The following ZNF136 variants were observed in gnomAD, a reference collection of about 807,000 sequenced individuals.
The protein encoded by ZNF136 is zinc finger protein 136 (clone pHZ-20).
ZNF136 carries 8 observed loss-of-function variants against 11.4 expected under a neutral mutation model. That is an observed-to-expected ratio of 0.70 (90% CI 0.41 to 1.27). The LOEUF is 1.27. ZNF136 is among the 50% of genes most tolerant of loss of function. The probability of loss-of-function intolerance (pLI) is 0.01; values close to 1 mark genes in which losing one functional copy is unlikely to be tolerated. For synonymous variants in ZNF136, 190 were observed against 207.1 expected (o/e 0.92, Z 0.71); for missense variants, 590 against 656.5 (o/e 0.90, Z 1.11).
intron 1 of ZNF136, among the ~76,000 whole-genome samples, chr19:12,170,588 A>T (rs145618988): frequency 6.6e-6 from 1 of 151,284 alleles, no homozygotes; most frequent in East Asian, 2.0e-4. Context: ...GGGTCTTGCC[A>T]TGTTGCCCAG....
intron 1 of ZNF136, among the ~76,000 whole-genome samples, chr19:12,182,416 C>T (rs1379007695): frequency 6.6e-6 from 1 of 152,224 alleles, no homozygotes; most frequent in African/African-American, 2.4e-5. Flanking sequence ...TTCCATGTCT[C>T]TTGGAGGGTC....
At chr19:12,169,486 A>G (rs1307247771) in intron 1 of ZNF136, 1 of 152,204 alleles carries the variant, frequency 6.6e-6, no homozygotes, top group African/African-American at 2.4e-5. Context: ...CTCCACAGTG[A>G]GAGTGTAGTA....
At position 12,187,344 on chromosome 19, in the gene ZNF136, C is replaced by A. The variant is rs886616484; in HGVS notation, c.966C>A (p.Ser322=). 5.0e-6 allele frequency: 8 copies of A among 1,613,612 alleles called. No homozygotes were observed. In the African/African-American group the frequency reaches 9.4e-5, roughly 19 times the overall value. The part of the protein sequence containing the change: ...QCGKAFSYLP[S]LRLHERIHTG... Reference sequence around the variant, plus strand: ...GGAAGGCCTTCAGTTATCTCCCCTCCCTTCGACTACATGAAAGAATTCACA... The same window carrying A: ...GGAAGGCCTTCAGTTATCTCCCCTCACTTCGACTACATGAAAGAATTCACA... Residue 322 remains serine, a synonymous_variant, in exon 4 of 4, where the codon TCC becomes TCA. Coordinates refer to ENST00000343979, the MANE Select transcript of ZNF136 (RefSeq NM_003437.5).
At chr19:12,163,325 C>T in intron 1 of ZNF136, 119 bp downstream of exon 1, 1 of 1,246,674 alleles carries the variant, frequency 8.0e-7, no homozygotes, top group Non-Finnish European at 1.0e-6. Flanking sequence ...GTACCGAGTC[C>T]CTCTGGCGCA....
chr19:12,186,030 G>A lies in ZNF136; in HGVS notation c.131-84G>A, dbSNP rs920021833. ...TACTTGGGGGGCTAAAACAGGCATA[G>A]TCACAGGGTATCATGAACCTAGAAT... On this transcript the variant is annotated intron_variant, in intron 2 of 3. Coordinates refer to ENST00000343979, the MANE Select transcript of ZNF136 (RefSeq NM_003437.5). 3.8e-6 allele frequency: 6 copies of A among 1,594,484 alleles called. No individual in the cohort carries two copies. The African/African-American group carries it at 6.8e-5, about 18-fold the overall frequency.
chr19:12,189,688 TG>T lies in ZNF136; in HGVS notation c.*1688del, dbSNP rs1208084108. 6.6e-6 allele frequency: 1 copy of T among 152,146 alleles called. No homozygotes were observed. Among genetic ancestry groups the T allele is most frequent in the Admixed American group, 6.6e-5 (1 of 15,260 alleles). The allele number at this position is 152,146 out of a possible 1,614,324, so 9.4% of individuals were successfully genotyped here. On this transcript the variant is annotated 3_prime_UTR_variant, in exon 4 of 4. Coordinates refer to ENST00000343979, the MANE Select transcript of ZNF136 (RefSeq NM_003437.5). ...TTTCTTGGCTCAAATAATTTTATTT[TG>T]CTTCCTATTAAAGAGTTGTTGTTAA...
chr19:12,186,000 G>T (rs1397984933), intron 2 of ZNF136, 89 bp downstream of exon 2: 25 of 1,599,526 alleles, frequency 1.6e-5, no homozygotes, highest in Non-Finnish European at 2.0e-5. Context: ...ATCATGGAGG[G>T]AGAGTACTTG....
At chr19:12,174,726 C>T (rs1015597891) in intron 1 of ZNF136, among the ~76,000 whole-genome samples, 6 of 152,018 alleles carry the variant, frequency 3.9e-5, no homozygotes, top group African/African-American at 1.5e-4. Context: ...AGCTCTGCCT[C>T]CCAGGTCCAC....
intron 1 of ZNF136, among the ~76,000 whole-genome samples, chr19:12,182,760 G>A (rs1410065068): frequency 6.6e-6 from 1 of 152,096 alleles, no homozygotes; most frequent in Admixed American, 6.6e-5. Flanking sequence ...TGGGGGTGGG[G>A]GCACAGTCCA....
At chr19:12,178,047 C>T (rs887757157) in intron 1 of ZNF136, among the ~76,000 whole-genome samples, 2 of 152,138 alleles carry the variant, frequency 1.3e-5, no homozygotes, top group African/African-American at 2.4e-5. Flanking sequence ...GCAGAGGTTG[C>T]AGTGAGCCAA....
chr19:12,185,147 G>A (rs1026179123), intron 1 of ZNF136: 1 of 152,252 alleles, frequency 6.6e-6, no homozygotes, highest in Non-Finnish European at 1.5e-5. Flanking sequence ...CAAATTAAGT[G>A]GTGGGTTATT....
intron 1 of ZNF136, among the ~76,000 whole-genome samples, chr19:12,175,189 T>C (rs999328139): frequency 4.7e-5 from 7 of 148,548 alleles, no homozygotes; most frequent in African/African-American, 1.8e-4. Context: ...GATTCTGTTT[T>C]CTTTCGATTT....
intron 1 of ZNF136, among the ~76,000 whole-genome samples, chr19:12,179,332 T>C (rs269815): frequency 0.24 from 36,667 of 149,672 alleles, 7,065 homozygotes; most frequent in African/African-American, 0.54. Flanking sequence ...TTTTTTGAGA[T>C]GGAGTCTCAC....
intron 1 of ZNF136, among the ~76,000 whole-genome samples, chr19:12,166,308 A>G (rs271181): frequency 0.047 from 7,086 of 152,186 alleles, 535 homozygotes; most frequent in African/African-American, 0.16. Flanking sequence ...CATGTGTAGT[A>G]TATGTGTAGT....
rs773154492 is a variant in ZNF136 at position 12,187,002 on chromosome 19, C to T, written c.624C>T (p.Pro208=). 17 of 1,614,042 alleles carry T rather than the reference C, an allele frequency of 1.1e-5. No individual in the cohort carries two copies. Among genetic ancestry groups the T allele is most frequent in the Non-Finnish European group, 1.4e-5 (17 of 1,180,002 alleles). ...CKVCGKAFDY[P]SRFRTHERSH... is the part of the protein sequence containing the mutation. ...TGTGTGGGAAAGCTTTTGATTATCC[C>T]AGTAGATTTCGAACACATGAAAGAA... The change falls in exon 4 of 4, where the codon CCC becomes CCT. Residue 208 remains proline (P), a synonymous_variant. Coordinates refer to ENST00000343979, the MANE Select transcript of ZNF136 (RefSeq NM_003437.5).
At chr19:12,178,761 T>G (rs1368149349) in intron 1 of ZNF136, among the ~76,000 whole-genome samples, 1 of 151,470 alleles carries the variant, frequency 6.6e-6, no homozygotes, top group Non-Finnish European at 1.5e-5. Context: ...GAGGCTGAGG[T>G]GGGTGGATCA....
chr19:12,175,520 T>C (rs1018567755), intron 1 of ZNF136, among the ~76,000 whole-genome samples: 13 of 152,278 alleles, frequency 8.5e-5, no homozygotes, highest in Non-Finnish European at 1.6e-4. Flanking sequence ...TAGAGTAGTT[T>C]TAGGTTCACA....
intron 1 of ZNF136, among the ~76,000 whole-genome samples, chr19:12,174,729 A>G (rs1255977396): frequency 6.7e-6 from 1 of 150,144 alleles, no homozygotes; most frequent in Admixed American, 6.7e-5. Context: ...TCTGCCTCCC[A>G]GGTCCACGCC....
At chr19:12,184,276 G>A (rs1915026958) in intron 1 of ZNF136, among the ~76,000 whole-genome samples, 1 of 128,598 alleles carries the variant, frequency 7.8e-6, no homozygotes. Context: ...AAAAAAAAAA[G>A]AGGGCTGGGT....
Sources: gnomAD v4.1 joint callset for allele counts (sites outside exome capture counted in the v4.1 genomes callset) on GRCh38, gnomAD v4.1.1 for gene constraint, MANE v1.5 for transcripts, NCBI Gene and HGNC (gene_info 2026-07-23, HGNC 2026-07-21) for gene names.